SLC2A1: variants seen among roughly 807,000 people sequenced by gnomAD.
SLC2A1 encodes the protein solute carrier family 2, facilitated glucose transporter member 1.
In SLC2A1, 4 loss-of-function variants were observed where a neutral mutation model predicts 46.6. The observed-to-expected ratio is 0.09, with a 90% CI of 0.04 to 0.20. The LOEUF (loss-of-function observed/expected upper bound fraction) is 0.20. Ranked by LOEUF, SLC2A1 falls within the 10% of genes least tolerant of loss-of-function variation. SLC2A1 has a pLI of 1.00. For missense variants in SLC2A1, 352 were observed against 667.0 expected (o/e 0.53, Z 5.20); for synonymous variants, 253 against 270.0 (o/e 0.94, Z 0.62).
Position 42,926,656 on chromosome 1 carries a change from C to G in SLC2A1, c.*385G>C, listed in dbSNP as rs1408556340. On this transcript the variant is annotated 3_prime_UTR_variant, in exon 10 of 10. Transcript: ENST00000426263. ...TTAGTGTGTCCTTAGGACATAGGTC[C>G]AGCCCTACAGATTAGCTGGGTGAAG... 1 of 1,272,302 alleles carries G rather than the reference C, an allele frequency of 7.9e-7. No individual in the cohort carries two copies. Among genetic ancestry groups the G allele is most frequent in the Non-Finnish European group, 1.0e-6 (1 of 970,070 alleles). 78.8% of individuals were successfully genotyped at this position (1,272,302 alleles called of 1,614,324 possible).
chr1:42,939,809 G>A (rs1458414734), intron 2 of SLC2A1, among the ~76,000 whole-genome samples: 3 of 152,024 alleles, frequency 2.0e-5, no homozygotes, highest in Non-Finnish European at 2.9e-5. Flanking sequence ...TTAGCTGGGC[G>A]TGGTGGTACA....
At chr1:42,958,524 C>T (rs1242502170) in intron 1 of SLC2A1, 110 bp downstream of exon 1, 99 of 868,658 alleles carry the variant, frequency 1.1e-4, no homozygotes, top group Non-Finnish European at 1.4e-4. Flanking sequence ...GCGCGGCCCG[C>T]CCCGGGCGCA....
In SLC2A1 at chr1:42,958,708, G is replaced by A. The variant is rs922626935; in HGVS notation, c.-57C>T. ...CGGGTACGCGGGTGGCGACGGGCGT[G>A]CGAGCGGCGCTCTCCCGCTCAGGCT... On this transcript the variant is annotated 5_prime_UTR_variant, in exon 1 of 10. Coordinates refer to ENST00000426263, the MANE Select transcript of SLC2A1 (RefSeq NM_006516.4). 2 of 1,519,528 alleles carry A rather than the reference G, an allele frequency of 1.3e-6. No individual in the cohort carries two copies. Among genetic ancestry groups the A allele is most frequent in the African/African-American group, 2.8e-5 (2 of 71,804 alleles). 94.1% of individuals were successfully genotyped at this position (1,519,528 alleles called of 1,614,324 possible).
intron 2 of SLC2A1, among the ~76,000 whole-genome samples, chr1:42,939,179 G>A (rs1211492668): frequency 6.6e-6 from 1 of 152,282 alleles, no homozygotes; most frequent in Non-Finnish European, 1.5e-5. Context: ...TCTCTGCCCT[G>A]TTACTACACA....
Position 42,958,734 on chromosome 1 carries a change from C to T in SLC2A1, c.-83G>A, listed in dbSNP as rs1049814335. 41 of 1,425,314 alleles carry T rather than the reference C, an allele frequency of 2.9e-5. No homozygotes were observed. The highest frequency in any genetic ancestry group is 3.8e-5 in the Non-Finnish European group (40 of 1,052,480). The allele number at this position is 1,425,314 out of a possible 1,614,324, so 88.3% of individuals were successfully genotyped here. On this transcript the variant is annotated 5_prime_UTR_variant, in exon 1 of 10. Coordinates refer to ENST00000426263, the MANE Select transcript of SLC2A1 (RefSeq NM_006516.4). ...CGAGCGGCGCTCTCCCGCTCAGGCT[C>T]GTGCTCCGGTCCGGGGACTCCCACT...
intron 1 of SLC2A1, 106 bp from the exon 2 acceptor site, chr1:42,943,427 T>C: frequency 1.2e-6 from 1 of 837,012 alleles, no homozygotes. Context: ...TGCCTGACTC[T>C]TGGCACCACA....
intron 1 of SLC2A1, among the ~76,000 whole-genome samples, chr1:42,949,268 C>T (rs1240775982): frequency 6.6e-6 from 1 of 152,088 alleles, no homozygotes; most frequent in African/African-American, 2.4e-5. Context: ...AATAAGACAG[C>T]TTTGGCTGCA....
chr1:42,935,679 T>G (rs1643535754), intron 2 of SLC2A1, among the ~76,000 whole-genome samples: 1 of 152,200 alleles, frequency 6.6e-6, no homozygotes, highest in African/African-American at 2.4e-5. Context: ...CCTGCTCGGC[T>G]GCTCCTGGCA....
chr1:42,958,741 C>T lies in SLC2A1; in HGVS notation c.-90G>A, dbSNP rs904584009. On this transcript the variant is annotated 5_prime_UTR_variant, in exon 1 of 10. Transcript: ENST00000426263. ...CGCTCTCCCGCTCAGGCTCGTGCTC[C>T]GGTCCGGGGACTCCCACTGCGACTC... The T allele has an allele frequency of 8.8e-6, 12 of 1,367,000 alleles. No homozygotes were observed. Among genetic ancestry groups the T allele is most frequent in the Non-Finnish European group, 1.2e-5 (12 of 1,001,736 alleles). The allele number at this position is 1,367,000 out of a possible 1,614,324, so 84.7% of individuals were successfully genotyped here.
intron 8 of SLC2A1, among the ~76,000 whole-genome samples, chr1:42,928,708 G>C (rs1285641213): frequency 1.3e-5 from 2 of 152,138 alleles, no homozygotes; most frequent in South Asian, 2.1e-4. Context: ...TCTGGGACCA[G>C]AGGTGCTGCG....
intron 1 of SLC2A1, among the ~76,000 whole-genome samples, chr1:42,946,496 G>A (rs1392801911): frequency 6.6e-6 from 1 of 152,166 alleles, no homozygotes; most frequent in Non-Finnish European, 1.5e-5. Flanking sequence ...CAGGGGGCTG[G>A]TATGAGGCAC....
At chr1:42,947,751 C>T (rs1557652975) in intron 1 of SLC2A1, among the ~76,000 whole-genome samples, 1 of 151,998 alleles carries the variant, frequency 6.6e-6, no homozygotes, top group Non-Finnish European at 1.5e-5. Context: ...ACCGTGTCTG[C>T]AGCCAGAGTG....
At position 42,928,933 on chromosome 1, in the gene SLC2A1, A is replaced by T; in HGVS notation, c.1073T>A (p.Leu358Gln). ...ACTCTCCAGAACCTAGCAACTCACCAGCAGTGCTAGCGCGATGGTCATGAG... is the reference window on the plus strand; with the variant it reads ...ACTCTCCAGAACCTAGCAACTCACCTGCAGTGCTAGCGCGATGGTCATGAG... ...AILMTIALAL[L>Q]EQLPWMSYLS... Residue 358 changes from leucine (L) to glutamine (Q), a missense_variant and splice_region_variant, in exon 8 of 10, where the codon CTG becomes CAG. By Grantham distance (113) the Leu-to-Gln change is moderately radical. This residue lies in a region of SLC2A1 where 167 missense variants were observed against 280.8 expected (regional missense o/e 0.59). Transcript: ENST00000426263. The T allele has an allele frequency of 6.2e-7, 1 of 1,613,458 alleles. No homozygotes were observed. The highest frequency in any genetic ancestry group is 8.5e-7 in the Non-Finnish European group (1 of 1,179,512).
chr1:42,943,688 T>C (rs1263307356), intron 1 of SLC2A1, among the ~76,000 whole-genome samples: 1 of 152,002 alleles, frequency 6.6e-6, no homozygotes, highest in Non-Finnish European at 1.5e-5. Flanking sequence ...GAACCAGCCC[T>C]CCTATGCGAG....
chr1:42,940,362 C>T (rs995015933), intron 2 of SLC2A1, among the ~76,000 whole-genome samples: 1 of 152,182 alleles, frequency 6.6e-6, no homozygotes, highest in Non-Finnish European at 1.5e-5. Flanking sequence ...CCCTGGGGTA[C>T]CCGATGGCCT....
intron 1 of SLC2A1, among the ~76,000 whole-genome samples, chr1:42,946,954 C>T (rs1014274934): frequency 2.6e-5 from 4 of 152,174 alleles, no homozygotes; most frequent in South Asian, 2.1e-4. Context: ...ACCTAGAAAA[C>T]GGGGATGAAA....
At position 42,926,922 on chromosome 1, in the gene SLC2A1, G is replaced by C. The variant is rs1398812093; in HGVS notation, c.*119C>G. 6.5e-7 allele frequency: 1 copy of C among 1,528,888 alleles called. No individual in the cohort carries two copies. The highest frequency in any genetic ancestry group is 8.7e-7 in the Non-Finnish European group (1 of 1,143,854). The allele number at this position is 1,528,888 out of a possible 1,614,324, so 94.7% of individuals were successfully genotyped here. A position where few individuals can be genotyped will look rare whatever the true frequency, so the allele number is the denominator to read the frequency against. On this transcript the variant is annotated 3_prime_UTR_variant, in exon 10 of 10. Transcript: ENST00000426263. ...GGACATCATTGCTGGCTGGAGAAAGGAGCCCCAGGCCCGGCTCGGCTGACA... is the reference window on the plus strand; with the variant it reads ...GGACATCATTGCTGGCTGGAGAAAGCAGCCCCAGGCCCGGCTCGGCTGACA...
At chr1:42,943,367 G>T (rs1261808601) in intron 1 of SLC2A1, 46 bp from the exon 2 acceptor site, 4 of 1,409,288 alleles carry the variant, frequency 2.8e-6, no homozygotes, top group Non-Finnish European at 4.0e-6. Flanking sequence ...CTGGGAGCAG[G>T]TTACTACAGG....
At chr1:42,957,442 T>C (rs878916816) in intron 1 of SLC2A1, among the ~76,000 whole-genome samples, 2 of 152,162 alleles carry the variant, frequency 1.3e-5, no homozygotes, top group South Asian at 2.1e-4. Flanking sequence ...CCACAGCCAG[T>C]AGGAAGGGCA....
Sources: allele counts gnomAD v4.1 joint callset (sites outside exome capture counted in the v4.1 genomes callset), GRCh38; gene constraint gnomAD v4.1.1; regional missense constraint gnomAD v4.1.1; transcripts MANE v1.5; gene names NCBI Gene and HGNC (gene_info 2026-07-23, HGNC 2026-07-21).